The following BABAM2 variants were observed in gnomAD, a reference collection of about 807,000 sequenced individuals.
The protein encoded by BABAM2 is BRISC and BRCA1-A complex member 2.
BABAM2 carries 31 observed loss-of-function variants against 54.7 expected under a neutral mutation model. That is an observed-to-expected ratio of 0.57 (90% CI 0.43 to 0.77). The LOEUF is 0.77. Ranked by LOEUF, BABAM2 falls within the 30% of genes least tolerant of loss-of-function variation. BABAM2 has a pLI of 0.00. For missense variants in BABAM2, 364 were observed against 455.8 expected (o/e 0.80, Z 1.83); for synonymous variants, 167 against 162.9 (o/e 1.03, Z -0.19).
chr2:28,304,638 A>G lies in BABAM2; in HGVS notation c.1088+6147A>G, dbSNP rs7577019. Among the ~76,000 whole-genome samples the G allele has an allele frequency of 0.65, 99,407 of 151,776 alleles. 32,784 individuals carry two copies. Among genetic ancestry groups the G allele is most frequent in the Middle Eastern group, 0.8 (234 of 294 alleles). On this transcript the variant is annotated intron_variant, in intron 11 of 11. Transcript: ENST00000379624. The surrounding 1 kb of genome is among the most constrained non-coding windows in gnomAD (Gnocchi z 4.0). The stretch of plus-strand genomic sequence containing the variant: ...GTCACCCAGGCTGGAATGCAGTGGC[A>G]TTATCTTGGCTCACTGCAACCTCAC...
At chr2:28,159,417 G>A (rs886500738) in intron 7 of BABAM2, among the ~76,000 whole-genome samples, 8 of 152,174 alleles carry the variant, frequency 5.3e-5, no homozygotes, top group Admixed American at 3.9e-4. Context: ...AGGACTCAAA[G>A]AAAGGGTGAC....
At position 28,025,361 on chromosome 2, in the gene BABAM2, C is replaced by T. The variant is rs755831268; in HGVS notation, c.436C>T (p.Leu146=). The T allele has an allele frequency of 7.5e-6, 12 of 1,610,694 alleles. No individual in the cohort carries two copies. Among genetic ancestry groups the T allele is most frequent in the Non-Finnish European group, 1.0e-5 (12 of 1,179,212 alleles). Residue 146 remains leucine, a synonymous_variant, in exon 5 of 12, where the codon CTG becomes TTG. Coordinates refer to ENST00000379624, the MANE Select transcript of BABAM2 (RefSeq NM_199191.3). ...SRLMFEYQTL[L]EEPQYGENME... ...CCTCATGTTTGAATACCAGACATTA[C>T]TGGAGGAGCCACAGTATGGAGAGAA...
chr2:28,113,327 T>G (rs1668308369), intron 6 of BABAM2, among the ~76,000 whole-genome samples: 1 of 152,184 alleles, frequency 6.6e-6, no homozygotes, highest in South Asian at 2.1e-4. Flanking sequence ...GAGTTGATTT[T>G]TGTATAAGGT....
At chr2:27,985,854 T>A (rs914341162) in intron 3 of BABAM2, among the ~76,000 whole-genome samples, 1 of 152,298 alleles carries the variant, frequency 6.6e-6, no homozygotes, top group East Asian at 1.9e-4. Context: ...TATGATTTTT[T>A]AAAATTAATA....
At chr2:28,196,568 A>G (rs1677575830) in intron 7 of BABAM2, among the ~76,000 whole-genome samples, 1 of 151,792 alleles carries the variant, frequency 6.6e-6, no homozygotes, top group South Asian at 2.1e-4. Flanking sequence ...TAGGTCAGAT[A>G]TGATGGCTCA....
At chr2:28,096,855 A>T (rs916987156) in intron 6 of BABAM2, among the ~76,000 whole-genome samples, 1 of 151,974 alleles carries the variant, frequency 6.6e-6, no homozygotes, top group Non-Finnish European at 1.5e-5. Context: ...CTAATTCCCC[A>T]GAGTAGAATT....
At chr2:28,165,908 C>T (rs111710061) in intron 7 of BABAM2, among the ~76,000 whole-genome samples, 1 of 152,132 alleles carries the variant, frequency 6.6e-6, no homozygotes, top group Admixed American at 6.5e-5. Context: ...TATGTTGAAG[C>T]CTTAACCCCC....
chr2:28,338,719 GGGTTAC>G lies in BABAM2; in HGVS notation c.*207_*212del. 1.9e-6 allele frequency: 1 copy of G among 540,358 alleles called. No homozygotes were observed. Among genetic ancestry groups the G allele is most frequent in the East Asian group, 3.1e-5 (1 of 31,886 alleles). 33.5% of individuals were successfully genotyped at this position (540,358 alleles called of 1,614,324 possible). A position where few individuals can be genotyped will look rare whatever the true frequency, so the allele number is the denominator to read the frequency against. ...CCTGGATCCTAGAGCCCTTCACTTC[GGGTTAC>G]TCCCTCTTTCTTGCCTCTATTTCTT... On this transcript the variant is annotated 3_prime_UTR_variant, in exon 12 of 12. Transcript: ENST00000379624.
At chr2:28,257,534 T>G (rs1441532733) in intron 10 of BABAM2, among the ~76,000 whole-genome samples, 6 of 152,236 alleles carry the variant, frequency 3.9e-5, no homozygotes. Flanking sequence ...TTCATTCCAT[T>G]GTTTATGCAT....
intron 3 of BABAM2, among the ~76,000 whole-genome samples, chr2:27,969,410 CTGT>C (rs1211594717): frequency 6.6e-6 from 1 of 152,132 alleles, no homozygotes; most frequent in African/African-American, 2.4e-5. Context: ...TAGGTTATTG[CTGT>C]TGTTAAGTGG....
chr2:27,940,142 C>T (rs1668768315), intron 3 of BABAM2, among the ~76,000 whole-genome samples: 1 of 152,186 alleles, frequency 6.6e-6, no homozygotes, highest in Non-Finnish European at 1.5e-5. Flanking sequence ...AAATGTGAAT[C>T]TTCAGTGATC....
chr2:28,166,014 C>T (rs755279492), intron 7 of BABAM2, among the ~76,000 whole-genome samples: 122 of 152,106 alleles, frequency 8.0e-4, no homozygotes, highest in Non-Finnish European at 1.4e-3. Context: ...CCCAATATGA[C>T]CAATGTCCTT....
At chr2:28,030,600 G>T (rs958999683) in intron 5 of BABAM2, among the ~76,000 whole-genome samples, 9 of 152,174 alleles carry the variant, frequency 5.9e-5, no homozygotes, top group Non-Finnish European at 1.2e-4. Context: ...GAATATTAAA[G>T]GACAGCCTGC....
intron 3 of BABAM2, among the ~76,000 whole-genome samples, chr2:27,941,769 AT>A (rs1573222748): frequency 6.6e-6 from 1 of 152,154 alleles, no homozygotes; most frequent in East Asian, 1.9e-4. Context: ...GCAGTGTAAA[AT>A]TACTGTTCAT....
At chr2:28,103,301 T>TTTTTGTTTTG (rs76344388) in intron 6 of BABAM2, among the ~76,000 whole-genome samples, 74,644 of 149,542 alleles carry the variant, frequency 0.5, 18,904 homozygotes, top group Middle Eastern at 0.63. Flanking sequence ...TTACTTAGTA[T>TTTTTGTTTTG]TTTTGTTTTG....
At chr2:28,227,442 G>A (rs920794823) in intron 7 of BABAM2, among the ~76,000 whole-genome samples, 2 of 152,172 alleles carry the variant, frequency 1.3e-5, no homozygotes, top group African/African-American at 4.8e-5. Flanking sequence ...AGTAGTGTCT[G>A]TGTCCTCGTT....
At chr2:27,945,848 G>A (rs1669261406) in intron 3 of BABAM2, among the ~76,000 whole-genome samples, 1 of 147,096 alleles carries the variant, frequency 6.8e-6, no homozygotes, top group South Asian at 2.3e-4. Flanking sequence ...AAATGTAATT[G>A]ATTTTGGTAT....
In BABAM2 at chr2:27,979,003, G is replaced by A. The variant is rs578202313; in HGVS notation, c.206-8990G>A. ...TTTTTATGGCTGTGTAGTATTCCATGGTGTATATGTACCACATTTTCTTTT... is the reference window on the plus strand; with the variant it reads ...TTTTTATGGCTGTGTAGTATTCCATAGTGTATATGTACCACATTTTCTTTT... On this transcript the variant is annotated intron_variant, in intron 3 of 11. Coordinates refer to ENST00000379624, the MANE Select transcript of BABAM2 (RefSeq NM_199191.3). 7.3e-5 allele frequency among the ~76,000 whole-genome samples: 11 copies of A among 151,014 alleles called. No individual in the cohort carries two copies. In the South Asian group the frequency reaches 1.3e-3, roughly 17 times the overall value.
chr2:28,007,380 A>G (rs1256681763), intron 4 of BABAM2, among the ~76,000 whole-genome samples: 1 of 152,144 alleles, frequency 6.6e-6, no homozygotes, highest in East Asian at 1.9e-4. Context: ...TGCAGCCATT[A>G]CCAGTACTAA....
Sources: allele counts gnomAD v4.1 joint callset (sites outside exome capture counted in the v4.1 genomes callset), GRCh38; gene constraint gnomAD v4.1.1; non-coding constraint Gnocchi (gnomAD v3.1); transcripts MANE v1.5; gene names NCBI Gene and HGNC (gene_info 2026-07-23, HGNC 2026-07-21).